ASMTL: variants seen among roughly 807,000 people sequenced by gnomAD.
ASMTL encodes the protein probable bifunctional dTTP/UTP pyrophosphatase/methyltransferase protein.
ASMTL carries 57 observed loss-of-function variants against 60.3 expected under a neutral mutation model. That is an observed-to-expected ratio of 0.95 (90% CI 0.76 to 1.18). The LOEUF (loss-of-function observed/expected upper bound fraction) is 1.18. ASMTL is among the 50% of genes most tolerant of loss of function. The probability of loss-of-function intolerance (pLI) is 0.00; values close to 1 mark genes in which losing one functional copy is unlikely to be tolerated. For synonymous variants in ASMTL, 419 were observed against 373.0 expected (o/e 1.12, Z -1.42); for missense variants, 981 against 852.6 (o/e 1.15, Z -1.88).
chrX:1,403,386 C>G lies in ASMTL; in HGVS notation c.1749G>C (p.Lys583Asn). ...SLNMLVQTEG[K>N]ERSLGEYQCL... ...ACTGATACTCGCCCAGGCTCCGCTC[C>G]TTGCCTTCAGTCTGCACCAGCATGT... The change falls in exon 13 of 13, where the codon AAG becomes AAC. Residue 583 changes from lysine to asparagine, a missense_variant. Lys to Asn is a moderately conservative substitution (Grantham distance 94, BLOSUM62 0). Transcript: ENST00000381317. The G allele has an allele frequency of 1.2e-6, 2 of 1,613,508 alleles. No homozygotes were observed. The highest frequency in any genetic ancestry group is 1.7e-6 in the Non-Finnish European group (2 of 1,179,870).
intron 12 of ASMTL, among the ~76,000 whole-genome samples, chrX:1,405,411 GATGGATGC>G (rs1221396126): frequency 2.7e-5 from 4 of 150,186 alleles, no homozygotes; most frequent in African/African-American, 4.9e-5. Flanking sequence ...TGGATGTATA[GATGGATGC>G]ATGGATGTGA....
chrX:1,449,507 C>T (rs1172480178), intron 1 of ASMTL, among the ~76,000 whole-genome samples: 2 of 151,918 alleles, frequency 1.3e-5, no homozygotes, highest in Non-Finnish European at 1.5e-5. Context: ...GGTGTCCCCC[C>T]TCCCAGGGTA....
chrX:1,431,172 ATTG>A (rs1226072050), intron 6 of ASMTL, among the ~76,000 whole-genome samples: 1 of 123,722 alleles, frequency 8.1e-6, no homozygotes, highest in Non-Finnish European at 1.6e-5. Flanking sequence ...TATTTATATA[ATTG>A]TTTATAATTA....
Position 1,421,846 on chromosome X carries a change from G to A in ASMTL, c.1061-4C>T, listed in dbSNP as rs760102618. 3 of 1,613,738 alleles carry A rather than the reference G, an allele frequency of 1.9e-6. No individual in the cohort carries two copies. The Admixed American group carries it at 5.0e-5, about 27-fold the overall frequency. On this transcript the variant is annotated splice_region_variant and splice_polypyrimidine_tract_variant and intron_variant, in intron 8 of 12. Transcript: ENST00000381317. Reference sequence around the variant, plus strand: ...GCTGTCTCTGTGTTACTGTAACCTGGAGAAATGGGGACAGTCGTGTGACCT... The same window carrying A: ...GCTGTCTCTGTGTTACTGTAACCTGAAGAAATGGGGACAGTCGTGTGACCT...
chrX:1,405,396 A>G (rs1414573063), intron 12 of ASMTL, among the ~76,000 whole-genome samples: 15 of 143,730 alleles, frequency 1.0e-4, no homozygotes, highest in East Asian at 6.4e-4. Flanking sequence ...AGGTAGGTAG[A>G]TAGATGGATG....
chrX:1,443,096 GAC>G (rs1387229072), intron 1 of ASMTL, among the ~76,000 whole-genome samples: 1 of 148,738 alleles, frequency 6.7e-6, no homozygotes, highest in Non-Finnish European at 1.5e-5. Context: ...TGCCATCTGG[GAC>G]ACACACCGTC....
At position 1,417,822 on chromosome X, in the gene ASMTL, CAA is replaced by C. The variant is rs1196392460; in HGVS notation, c.1522+149_1522+150del. On this transcript the variant is annotated intron_variant, in intron 11 of 12. Coordinates refer to ENST00000381317, the MANE Select transcript of ASMTL (RefSeq NM_004192.4). ...ATGCACACAGAGAGACACACACACA[CAA>C]GCACCGTAGACAGTCCCATTTGCAC... The C allele has an allele frequency of 1.7e-5, 16 of 953,592 alleles. No homozygotes were observed. The East Asian group carries it at 4.1e-4, about 24-fold the overall frequency. 59.1% of individuals were successfully genotyped at this position (953,592 alleles called of 1,614,324 possible). A position where few individuals can be genotyped will look rare whatever the true frequency, so the allele number is the denominator to read the frequency against.
chrX:1,432,095 G>A (rs1251266808), intron 6 of ASMTL, 174 bp downstream of exon 6: 1 of 617,954 alleles, frequency 1.6e-6, no homozygotes, highest in Non-Finnish European at 2.9e-6. Flanking sequence ...AGCCTCCATG[G>A]GTCAGTGTGG....
At chrX:1,410,385 G>A (rs1329701951) in intron 12 of ASMTL, among the ~76,000 whole-genome samples, 1 of 152,004 alleles carries the variant, frequency 6.6e-6, no homozygotes, top group Non-Finnish European at 1.5e-5. Flanking sequence ...CAGCCTGGGT[G>A]ACAGAGGGGG....
chrX:1,415,311 G>A (rs183517151), intron 11 of ASMTL, among the ~76,000 whole-genome samples: 1 of 152,064 alleles, frequency 6.6e-6, no homozygotes, highest in South Asian at 2.1e-4. Flanking sequence ...CGGCTCTCGG[G>A]TCAGTTCCTT....
chrX:1,406,165 A>G (rs1183450410), intron 12 of ASMTL, among the ~76,000 whole-genome samples: 11 of 145,152 alleles, frequency 7.6e-5, no homozygotes, highest in Non-Finnish European at 1.5e-4. Context: ...GGATGGCTGA[A>G]TAGATGGTAG....
intron 5 of ASMTL, among the ~76,000 whole-genome samples, 177 bp from the exon 6 acceptor site, chrX:1,432,554 G>A (rs1355614003): frequency 3.9e-5 from 6 of 152,248 alleles, no homozygotes; most frequent in Non-Finnish European, 7.3e-5. Flanking sequence ...AAGGGGCCGG[G>A]CGCGGTGGCT....
In ASMTL at chrX:1,435,756, T is replaced by A. The variant is rs3183025; in HGVS notation, c.276A>T (p.Thr92=). The change falls in exon 4 of 13, where the codon ACA becomes ACT. Residue 92 remains threonine, a splice_region_variant and synonymous_variant. Transcript: ENST00000381317. ...DVVIGADTIV[T]VGGLILEKPV... The stretch of plus-strand genomic sequence containing the variant: ...GCTTCTCCAGAATCAGCCCCCCGAC[T>A]GTCTGTGAGAGGAAGGGACAGAGGG... 7 of 1,612,604 alleles carry A rather than the reference T, an allele frequency of 4.3e-6. No individual in the cohort carries two copies. Among genetic ancestry groups the A allele is most frequent in the African/African-American group, 1.3e-5 (1 of 74,702 alleles).
intron 11 of ASMTL, among the ~76,000 whole-genome samples, chrX:1,414,408 G>T (rs1456763299): frequency 6.6e-6 from 1 of 152,158 alleles, no homozygotes; most frequent in Non-Finnish European, 1.5e-5. Context: ...GCTCTTTCAG[G>T]GCTCATGATT....
At chrX:1,446,521 A>G (rs1190955096) in intron 1 of ASMTL, among the ~76,000 whole-genome samples, 1 of 122,496 alleles carries the variant, frequency 8.2e-6, no homozygotes, top group East Asian at 2.4e-4. Flanking sequence ...TTTTTTTGAG[A>G]CGGAGTCTTG....
rs191070699 is a variant in ASMTL, at chrX:1,435,694, C to T, written c.338G>A (p.Arg113Gln). The change falls in exon 4 of 13, where the codon CGG becomes CAG. Residue 113 changes from arginine (R) to glutamine (Q), a missense_variant and splice_region_variant. Coordinates refer to ENST00000381317, the MANE Select transcript of ASMTL (RefSeq NM_004192.4). ...GCTCAGAGGCCAACATGGTGCTTAC[C>T]GGGACAGCATCCTGTAGGCGTCCTG... ...DKQDAYRMLSRLSGREHSVFT... is the reference protein window; with the variant it reads ...DKQDAYRMLSQLSGREHSVFT... 1.9e-3 allele frequency: 3,088 copies of T among 1,613,514 alleles called. 15 individuals are homozygous for T. The highest frequency in any genetic ancestry group is 8.3e-3 in the South Asian group (757 of 91,050).
chrX:1,421,112 A>C (rs1472121118), intron 9 of ASMTL, among the ~76,000 whole-genome samples: 1 of 151,934 alleles, frequency 6.6e-6, no homozygotes, highest in Non-Finnish European at 1.5e-5. Context: ...GGCACGCGCC[A>C]TCATCCCCAG....
At chrX:1,418,169 C>A in intron 10 of ASMTL, 53 bp from the exon 11 acceptor site, 1 of 1,535,038 alleles carries the variant, frequency 6.5e-7, no homozygotes, top group Non-Finnish European at 8.8e-7. Context: ...GGAACTCTGA[C>A]GACTCTCCAA....
At chrX:1,448,770 C>G (rs1223694485) in intron 1 of ASMTL, among the ~76,000 whole-genome samples, 1 of 152,114 alleles carries the variant, frequency 6.6e-6, no homozygotes, top group Non-Finnish European at 1.5e-5. Flanking sequence ...GCACCACCAT[C>G]TTGGACACAC....
Sources: gnomAD v4.1 joint callset for allele counts (sites outside exome capture counted in the v4.1 genomes callset) on GRCh38, gnomAD v4.1.1 for gene constraint, MANE v1.5 for transcripts, NCBI Gene and HGNC (gene_info 2026-07-23, HGNC 2026-07-21) for gene names.